RAD23B: variants seen among roughly 807,000 people sequenced by gnomAD.
RAD23B encodes lysine-specific demethylase RAD23B.
A neutral mutation model predicts 49.1 loss-of-function variants in RAD23B; 5 were observed. The observed-to-expected ratio is 0.10, with a 90% CI of 0.05 to 0.21. The LOEUF (loss-of-function observed/expected upper bound fraction) is 0.21, where lower values mean the gene tolerates loss of function less well. Ranked by LOEUF, RAD23B falls within the 10% of genes least tolerant of loss-of-function variation. The pLI is 1.00. For synonymous variants in RAD23B, 184 were observed against 165.4 expected, an observed-to-expected ratio of 1.11 and a Z score of -0.86; for missense variants, 356 against 486.7, an observed-to-expected ratio of 0.73 and a Z score of 2.53.
intron 6 of RAD23B, among the ~76,000 whole-genome samples, chr9:107,319,966 G>T (rs1423130675): frequency 2.0e-5 from 3 of 152,192 alleles, no homozygotes; most frequent in African/African-American, 7.2e-5. Context: ...TCATCTTAAA[G>T]TTGCCTGATT....
chr9:107,306,346 T>C (rs775578733), intron 3 of RAD23B, 33 bp from the exon 4 acceptor site: 3 of 1,590,600 alleles, frequency 1.9e-6, no homozygotes, highest in South Asian at 1.1e-5. Context: ...TGTAGTATTT[T>C]ATTGTAATTA....
At chr9:107,284,056 G>C (rs72736194) in intron 1 of RAD23B, 22,414 of 1,024,220 alleles carry the variant, frequency 0.022, 292 homozygotes, top group Non-Finnish European at 0.024. Flanking sequence ...GTGCACAGGT[G>C]GGGGAGGGAG....
Position 107,318,996 on chromosome 9 carries a change from G to T in RAD23B, c.681+117G>T. On this transcript the variant is annotated intron_variant, in intron 6 of 9. Transcript: ENST00000358015. The surrounding 1 kb of genome is among the most constrained non-coding windows in gnomAD (Gnocchi z 4.3). ...ATATATGCTAGATGATATACATAATGCTTTTTTTTTTCTAGTATGTTTGTA... is the reference window on the plus strand; with the variant it reads ...ATATATGCTAGATGATATACATAATTCTTTTTTTTTTCTAGTATGTTTGTA... 2.0e-6 allele frequency: 2 copies of T among 979,180 alleles called. No individual in the cohort carries two copies. Among genetic ancestry groups the T allele is most frequent in the Non-Finnish European group, 1.4e-6 (1 of 720,468 alleles). The allele number at this position is 979,180 out of a possible 1,614,324, so 60.7% of individuals were successfully genotyped here.
At chr9:107,305,411 A>G (rs1826742325) in intron 3 of RAD23B, among the ~76,000 whole-genome samples, 1 of 152,222 alleles carries the variant, frequency 6.6e-6, no homozygotes, top group South Asian at 2.1e-4. Context: ...ATAGGCTGAG[A>G]AAGAGAAAGG....
At chr9:107,319,911 G>A (rs1439088638) in intron 6 of RAD23B, among the ~76,000 whole-genome samples, 1 of 152,154 alleles carries the variant, frequency 6.6e-6, no homozygotes, top group Admixed American at 6.5e-5. Context: ...TTCTATAATT[G>A]TCTGGTGTTT....
At chr9:107,321,882 G>T in intron 6 of RAD23B, 101 bp from the exon 7 acceptor site, 1 of 1,232,320 alleles carries the variant, frequency 8.1e-7, no homozygotes, top group Non-Finnish European at 1.1e-6. Context: ...TGATGCTTTT[G>T]AAAATCAAAC....
At chr9:107,300,348 AAGAGC>A (rs1320120837) in intron 2 of RAD23B, 126 bp downstream of exon 2, 1 of 1,105,010 alleles carries the variant, frequency 9.0e-7, no homozygotes, top group Non-Finnish European at 1.2e-6. Flanking sequence ...AAAGCAGTGA[AAGAGC>A]AGTCATTTGA....
chr9:107,295,110 A>C (rs1030997647), intron 1 of RAD23B, among the ~76,000 whole-genome samples: 2 of 151,500 alleles, frequency 1.3e-5, no homozygotes, highest in Admixed American at 1.3e-4. Flanking sequence ...CAGAGAAAAT[A>C]AGCAGCAGAA....
chr9:107,283,317 A>C lies in RAD23B; in HGVS notation c.-313A>C, dbSNP rs902744903. 1 of 415,876 alleles carries C rather than the reference A, an allele frequency of 2.4e-6. No individual in the cohort carries two copies. The highest frequency in any genetic ancestry group is 4.4e-5 in the Admixed American group (1 of 22,782). 25.8% of individuals were successfully genotyped at this position (415,876 alleles called of 1,614,324 possible). A position where few individuals can be genotyped will look rare whatever the true frequency, so the allele number is the denominator to read the frequency against. ...GGCGGCCACCATCCTGTGGTGAGCT[A>C]GCGGATTCCCTGCTTGTCTCGCCGA... On this transcript the variant is annotated 5_prime_UTR_variant, in exon 1 of 10. Coordinates refer to ENST00000358015, the MANE Select transcript of RAD23B (RefSeq NM_002874.5).
chr9:107,309,889 C>A (rs1411779098), intron 4 of RAD23B, among the ~76,000 whole-genome samples: 1 of 147,426 alleles, frequency 6.8e-6, no homozygotes, highest in African/African-American at 2.5e-5. Flanking sequence ...CGAGATTGCG[C>A]CGCTGCACTC....
chr9:107,285,490 C>A (rs151143453), intron 1 of RAD23B, among the ~76,000 whole-genome samples: 4 of 152,300 alleles, frequency 2.6e-5, no homozygotes, highest in Admixed American at 1.3e-4. Context: ...GTGACTCTGT[C>A]AACAGCTCCA....
intron 1 of RAD23B, among the ~76,000 whole-genome samples, chr9:107,287,917 A>G (rs1210618309): frequency 6.6e-6 from 1 of 151,720 alleles, no homozygotes; most frequent in African/African-American, 2.4e-5. Context: ...ACTAGCCATC[A>G]TTTATTAGTG....
chr9:107,289,931 A>C (rs1436518438), intron 1 of RAD23B, among the ~76,000 whole-genome samples: 1 of 152,144 alleles, frequency 6.6e-6, no homozygotes, highest in Non-Finnish European at 1.5e-5. Flanking sequence ...AGCCACATTG[A>C]CTTGTCTTGC....
rs1399273075 is a variant in RAD23B, at chr9:107,318,288, C to T, written c.554-464C>T. ...CCGGGGAAGAATTTTTTTCCTGATC[C>T]TGTCCTACCATACCTTGGCTGGTAG... On this transcript the variant is annotated intron_variant, in intron 5 of 9. Coordinates refer to ENST00000358015, the MANE Select transcript of RAD23B (RefSeq NM_002874.5). The surrounding 1 kb of genome is among the most constrained non-coding windows in gnomAD (Gnocchi z 4.3). Among the ~76,000 whole-genome samples, 10 of 152,290 alleles carry T rather than the reference C, an allele frequency of 6.6e-5. No individual in the cohort carries two copies. The highest frequency in any genetic ancestry group is 4.1e-4 in the South Asian group (2 of 4,822).
In RAD23B at chr9:107,318,315, C is replaced by T. The variant is rs1442154531; in HGVS notation, c.554-437C>T. Among the ~76,000 whole-genome samples the T allele has an allele frequency of 6.6e-6, 1 of 152,062 alleles. No individual in the cohort carries two copies. Among genetic ancestry groups the T allele is most frequent in the Non-Finnish European group, 1.5e-5 (1 of 68,022 alleles). On this transcript the variant is annotated intron_variant, in intron 5 of 9. Transcript: ENST00000358015. The surrounding 1 kb of genome is among the most constrained non-coding windows in gnomAD (Gnocchi z 4.3). ...GTCCTACCATACCTTGGCTGGTAGC[C>T]CCTTTCTGCATCTTCAAAGGCAACA...
At chr9:107,302,204 A>G (rs1826669577) in intron 3 of RAD23B, 90 bp downstream of exon 3, 2 of 1,572,072 alleles carry the variant, frequency 1.3e-6, no homozygotes, top group Non-Finnish European at 1.7e-6. Flanking sequence ...CACAGTTTAT[A>G]CACATCCATA....
intron 5 of RAD23B, among the ~76,000 whole-genome samples, chr9:107,313,020 A>G (rs1242801152): frequency 1.3e-5 from 2 of 151,766 alleles, no homozygotes; most frequent in Non-Finnish European, 2.9e-5. Context: ...TAATTTACCC[A>G]AGTCTCTATG....
chr9:107,302,192 GAC>G (rs1826669333), intron 3 of RAD23B, 78 bp downstream of exon 3: 1 of 1,592,992 alleles, frequency 6.3e-7, no homozygotes. Context: ...CCACACAATG[GAC>G]ACAGTTTATA....
intron 3 of RAD23B, among the ~76,000 whole-genome samples, chr9:107,302,660 G>GT (rs33960546): frequency 0.6 from 86,226 of 143,194 alleles, 26,043 homozygotes; most frequent in East Asian, 0.73. Context: ...TTTTTGTTTT[G>GT]TTTTTTTTTT....
Sources: gnomAD v4.1 joint callset for allele counts (sites outside exome capture counted in the v4.1 genomes callset) on GRCh38, gnomAD v4.1.1 for gene constraint, Gnocchi (gnomAD v3.1) non-coding constraint, MANE v1.5 for transcripts, NCBI Gene and HGNC (gene_info 2026-07-23, HGNC 2026-07-21) for gene names.